FBN1: variants seen among roughly 807,000 people sequenced by gnomAD.
FBN1 encodes the protein fibrillin 1, also known as fibrillin-1.
A neutral mutation model predicts 365.1 loss-of-function variants in FBN1; 29 were observed. That is an observed-to-expected ratio of 0.08 (90% CI 0.06 to 0.11). FBN1 has a LOEUF of 0.11. FBN1 is among the 10% of genes least tolerant of loss of function. FBN1 has a pLI of 1.00. For missense variants in FBN1, 2,476 were observed against 3,703.2 expected (o/e 0.67, Z 8.60); for synonymous variants, 1,210 against 1,270.5 (o/e 0.95, Z 1.01).
chr15:48,465,432 A>G (rs2043312601), intron 40 of FBN1, 136 bp downstream of exon 40: 2 of 974,532 alleles, frequency 2.1e-6, no homozygotes, highest in African/African-American at 1.6e-5. Context: ...CATGTGAGAC[A>G]TATCTACCTG....
chr15:48,521,555 C>T (rs768011117), intron 9 of FBN1, among the ~76,000 whole-genome samples: 9 of 152,138 alleles, frequency 5.9e-5, no homozygotes, highest in Admixed American at 1.3e-4. Context: ...CATGGTAAGA[C>T]GCATTTCTAT....
chr15:48,582,883 G>A (rs921586402), intron 6 of FBN1, among the ~76,000 whole-genome samples: 22 of 152,152 alleles, frequency 1.4e-4, no homozygotes, highest in African/African-American at 5.3e-4. Flanking sequence ...AAGGGCATTG[G>A]AAACCTATAA....
intron 27 of FBN1, among the ~76,000 whole-genome samples, 191 bp downstream of exon 27, chr15:48,487,922 C>T (rs763657297): frequency 5.9e-5 from 9 of 152,162 alleles, no homozygotes; most frequent in Non-Finnish European, 1.0e-4. Flanking sequence ...AACTGGTCTC[C>T]GCCATCACCC....
intron 4 of FBN1, among the ~76,000 whole-genome samples, chr15:48,606,835 A>G (rs1424495532): frequency 6.6e-6 from 1 of 152,248 alleles, no homozygotes; most frequent in Admixed American, 6.5e-5. Flanking sequence ...TTGTGATGGT[A>G]TTAAGAGGTG....
intron 6 of FBN1, among the ~76,000 whole-genome samples, chr15:48,551,718 C>T (rs528788380): frequency 6.6e-6 from 1 of 152,084 alleles, no homozygotes; most frequent in African/African-American, 2.4e-5. Context: ...CTCCTCTATG[C>T]GTCCATCTGT....
intron 6 of FBN1, among the ~76,000 whole-genome samples, chr15:48,548,774 C>T (rs1486171302): frequency 6.6e-6 from 1 of 152,168 alleles, no homozygotes; most frequent in African/African-American, 2.4e-5. Context: ...CCAAACACCA[C>T]AATTTTCTCC....
At chr15:48,533,981 A>T in intron 8 of FBN1, 99 bp downstream of exon 8, 1 of 1,502,296 alleles carries the variant, frequency 6.7e-7, no homozygotes, top group Non-Finnish European at 9.2e-7. Context: ...TGACAAAGAC[A>T]GAAGGATTTA....
intron 13 of FBN1, among the ~76,000 whole-genome samples, chr15:48,511,266 T>C (rs535523347): frequency 5.3e-5 from 8 of 152,178 alleles, no homozygotes; most frequent in African/African-American, 9.6e-5. Context: ...ACACAAGTCA[T>C]TGGACGAGCT....
intron 42 of FBN1, among the ~76,000 whole-genome samples, chr15:48,462,166 T>G (rs1250733406): frequency 6.6e-6 from 1 of 152,218 alleles, no homozygotes; most frequent in Non-Finnish European, 1.5e-5. Context: ...TATATCACTG[T>G]GGAAAATGGT....
intron 54 of FBN1, among the ~76,000 whole-genome samples, chr15:48,434,140 A>T (rs2043045083): frequency 6.6e-6 from 1 of 152,178 alleles, no homozygotes; most frequent in Non-Finnish European, 1.5e-5. Context: ...TATATATTAC[A>T]GGCAACCGCT....
At chr15:48,553,442 G>A (rs2044157966) in intron 6 of FBN1, among the ~76,000 whole-genome samples, 1 of 152,248 alleles carries the variant, frequency 6.6e-6, no homozygotes, top group East Asian at 1.9e-4. Flanking sequence ...GTAGGTTCCC[G>A]GGAGACAGTA....
intron 29 of FBN1, 138 bp from the exon 30 acceptor site, chr15:48,485,634 G>T: frequency 1.1e-6 from 1 of 907,834 alleles, no homozygotes; most frequent in Non-Finnish European, 1.7e-6. Context: ...ATCCTATGAG[G>T]GCTCTACCCT....
At chr15:48,513,357 T>C (rs904435701) in intron 13 of FBN1, among the ~76,000 whole-genome samples, 192 bp downstream of exon 13, 27 of 152,290 alleles carry the variant, frequency 1.8e-4, no homozygotes, top group Admixed American at 4.6e-4. Flanking sequence ...TCTTATAAAA[T>C]AACTTCAATG....
At chr15:48,506,177 T>G (rs1783506492) in intron 15 of FBN1, among the ~76,000 whole-genome samples, 1 of 152,118 alleles carries the variant, frequency 6.6e-6, no homozygotes, top group South Asian at 2.1e-4. Flanking sequence ...GAGCTGAGAT[T>G]GTGCCACTGC....
rs1366052911 is a variant in FBN1, at chr15:48,468,098, G to C, written c.4587C>G (p.Thr1529=). ...LNPTRVGCVD[T]RSGNCYLDIR... is the part of the protein sequence containing the mutation. ...TATCCAAATAGCAATTTCCAGAGCG[G>C]GTATCTATTTACCATATACAAACAC... is the stretch of plus-strand genomic sequence containing the variant. Residue 1529 remains threonine (T), a synonymous_variant, in exon 38 of 66, where the codon ACC becomes ACG. Transcript: ENST00000316623. The C allele has an allele frequency of 6.2e-7, 1 of 1,614,042 alleles. No homozygotes were observed. Among genetic ancestry groups the C allele is most frequent in the Non-Finnish European group, 8.5e-7 (1 of 1,179,994 alleles).
In FBN1 at chr15:48,463,309, A is replaced by C. The variant is rs564728082; in HGVS notation, c.5066-69T>G. 2.8e-6 allele frequency: 4 copies of C among 1,411,866 alleles called. No homozygotes were observed. In the South Asian group the frequency reaches 4.6e-5, roughly 16 times the overall value. 87.5% of individuals were successfully genotyped at this position (1,411,866 alleles called of 1,614,324 possible). On this transcript the variant is annotated intron_variant, in intron 41 of 65. Transcript: ENST00000316623. ...ATGTGGGAAATCACAACAAATTTCT[A>C]AGTGGATACTCAACAAGCAAGTTTC... is the stretch of plus-strand genomic sequence containing the variant.
chr15:48,449,227 A>C (rs1226194249), intron 45 of FBN1, among the ~76,000 whole-genome samples: 3 of 152,212 alleles, frequency 2.0e-5, no homozygotes, highest in Non-Finnish European at 4.4e-5. Flanking sequence ...CTGTGGAATT[A>C]ATTGAAGTAT....
chr15:48,456,566 C>T lies in FBN1; in HGVS notation c.5422+71G>A, dbSNP rs557055979. On this transcript the variant is annotated intron_variant, in intron 44 of 65. Coordinates refer to ENST00000316623, the MANE Select transcript of FBN1 (RefSeq NM_000138.5). ...TCTGAAATTTCAATGTTGTGAAATT[C>T]GCCAAGTGTGTATCAAGTAGCTCAT... 4.9e-5 allele frequency: 72 copies of T among 1,482,044 alleles called. No homozygotes were observed. In the Admixed American group the frequency reaches 6.2e-4, roughly 13 times the overall value. 91.8% of individuals were successfully genotyped at this position (1,482,044 alleles called of 1,614,324 possible).
chr15:48,472,018 C>T (rs1399816259), intron 35 of FBN1, among the ~76,000 whole-genome samples: 1 of 152,206 alleles, frequency 6.6e-6, no homozygotes, highest in African/African-American at 2.4e-5. Context: ...CAAAACTGTT[C>T]CATGTTCATA....
Sources: allele counts gnomAD v4.1 joint callset (sites outside exome capture counted in the v4.1 genomes callset), GRCh38; gene constraint gnomAD v4.1.1; transcripts MANE v1.5; gene names NCBI Gene and HGNC (gene_info 2026-07-23, HGNC 2026-07-21).